The following RASA1 variants were observed in gnomAD, a reference collection of about 807,000 sequenced individuals.
The protein encoded by RASA1 is ras GTPase-activating protein 1.
A neutral mutation model predicts 132.2 loss-of-function variants in RASA1; 25 were observed. The ratio of observed to expected loss-of-function variants is 0.19; its 90% CI spans 0.14 to 0.26. RASA1 has a LOEUF of 0.26. Ranked by LOEUF, RASA1 falls within the 10% of genes least tolerant of loss-of-function variation. The pLI is 1.00. For missense variants in RASA1, 964 were observed against 1,299.2 expected (o/e 0.74, Z 3.97); for synonymous variants, 477 against 449.9 (o/e 1.06, Z -0.76).
intron 10 of RASA1, 25 bp downstream of exon 10, chr5:87,362,696 C>A (rs368827026): frequency 6.3e-7 from 1 of 1,596,016 alleles, no homozygotes; most frequent in Non-Finnish European, 8.6e-7. Flanking sequence ...TTATCATTAA[C>A]CCATTTGATA....
In RASA1 at chr5:87,274,398, C is replaced by CT. The variant is rs575721813; in HGVS notation, c.539+5411dup. On this transcript the variant is annotated intron_variant, in intron 1 of 24. Coordinates refer to ENST00000274376, the MANE Select transcript of RASA1 (RefSeq NM_002890.3). ...TGTTAGAACATGTAGCATTCATTAA[C>CT]TTTGTCACTGATTGCATTATACATA... 5.7e-4 allele frequency among the ~76,000 whole-genome samples: 87 copies of CT among 152,250 alleles called. 1 individual carries two copies. The highest frequency in any genetic ancestry group is 2.0e-3 in the African/African-American group (84 of 41,546).
intron 20 of RASA1, among the ~76,000 whole-genome samples, chr5:87,382,308 G>T (rs2112505539): frequency 6.6e-6 from 1 of 152,252 alleles, no homozygotes; most frequent in South Asian, 2.1e-4. Context: ...CTTTCTAAGA[G>T]TCCAAAAATT....
intron 24 of RASA1, among the ~76,000 whole-genome samples, chr5:87,390,214 T>C (rs1470934680): frequency 1.3e-5 from 2 of 152,222 alleles, no homozygotes; most frequent in Non-Finnish European, 2.9e-5. Context: ...ACACTTTGAA[T>C]GTCCTCAGCT....
intron 1 of RASA1, among the ~76,000 whole-genome samples, chr5:87,286,169 T>G (rs1754553608): frequency 1.3e-5 from 2 of 152,076 alleles, no homozygotes; most frequent in Admixed American, 1.3e-4. Flanking sequence ...CCCTGGCTAA[T>G]TTTTGTATTT....
rs775854094 is a variant in RASA1, at chr5:87,374,860, A to C, written c.1955A>C (p.Asn652Thr). 4 of 1,609,846 alleles carry C rather than the reference A, an allele frequency of 2.5e-6. No individual in the cohort carries two copies. Among genetic ancestry groups the C allele is most frequent in the Non-Finnish European group, 3.4e-6 (4 of 1,177,840 alleles). ...FVFDDLPPDI[N>T]RFEITLSNKT... ...TTTAGTGATCTTCCTCCTGACATCA[A>C]TAGATTTGAAATAACTCTTAGTAAT... The change falls in exon 15 of 25, where the codon AAT becomes ACT. Residue 652 changes from asparagine (N) to threonine (T), a missense_variant. This residue lies in a region of RASA1 where 346 missense variants were observed against 520.1 expected (regional missense o/e 0.67). Transcript: ENST00000274376.
rs1232583853 is a variant in RASA1 at position 87,338,536 on chromosome 5, A to ATTTTTT, written c.1017+454_1017+459dup. On this transcript the variant is annotated intron_variant, in intron 5 of 24. Transcript: ENST00000274376. ...ATATATATATATATATATATATAAAATTTTTTTTTTTTTTAAGTAGAAATG... is the reference window on the plus strand; with the variant it reads ...ATATATATATATATATATATATAAAATTTTTTTTTTTTTTTTTTTTAAGTAGAAATG... Among the ~76,000 whole-genome samples the ATTTTTT allele has an allele frequency of 8.7e-4, 74 of 85,220 alleles. 1 individual carries two copies. The highest frequency in any genetic ancestry group is 2.6e-3 in the African/African-American group (58 of 22,626). The allele number at this position is 85,220 out of a possible 152,430, so 55.9% of individuals were successfully genotyped here.
At chr5:87,330,948 C>T (rs1023703683) in intron 1 of RASA1, 5 of 1,429,364 alleles carry the variant, frequency 3.5e-6, no homozygotes, top group Non-Finnish European at 4.6e-6. Flanking sequence ...GTTCCATGTG[C>T]CTTGTGAAGT....
At chr5:87,287,393 T>C (rs563315613) in intron 1 of RASA1, among the ~76,000 whole-genome samples, 44 of 144,544 alleles carry the variant, frequency 3.0e-4, no homozygotes, top group South Asian at 6.6e-4. Context: ...ACCATATATA[T>C]ACCATATATA....
At chr5:87,336,332 C>T (rs1281505497) in intron 4 of RASA1, among the ~76,000 whole-genome samples, 2 of 151,078 alleles carry the variant, frequency 1.3e-5, no homozygotes, top group Non-Finnish European at 3.0e-5. Context: ...TTTAGGATGT[C>T]ATTTTTAAGA....
chr5:87,286,368 G>T (rs1354614745), intron 1 of RASA1, among the ~76,000 whole-genome samples: 2 of 149,364 alleles, frequency 1.3e-5, no homozygotes, highest in African/African-American at 2.5e-5. Context: ...CCCTTTTACT[G>T]ATCTCTTCCT....
rs1302612874 is a variant in RASA1, at chr5:87,267,955, C to CT, written c.-497_-496insT. 3.3e-5 allele frequency: 13 copies of CT among 393,154 alleles called. No individual in the cohort carries two copies. The highest frequency in any genetic ancestry group is 4.5e-5 in the Non-Finnish European group (10 of 224,692). The allele number at this position is 393,154 out of a possible 1,614,324, so 24.4% of individuals were successfully genotyped here. A position where few individuals can be genotyped will look rare whatever the true frequency, so the allele number is the denominator to read the frequency against. On this transcript the variant is annotated 5_prime_UTR_variant, in exon 1 of 25. Coordinates refer to ENST00000274376, the MANE Select transcript of RASA1 (RefSeq NM_002890.3). Reference sequence around the variant, plus strand: ...TACCCCGCCCCCCTTTCTCTTGCCCCCCCACCCCTCTCATCTGCCTGGTGG... The same window carrying CT: ...TACCCCGCCCCCCTTTCTCTTGCCCCTCCCACCCCTCTCATCTGCCTGGTGG...
intron 6 of RASA1, 51 bp from the exon 7 acceptor site, chr5:87,346,621 A>T (rs756368710): frequency 1.6e-6 from 2 of 1,215,380 alleles, no homozygotes; most frequent in African/African-American, 1.5e-5. Context: ...TGATCATATG[A>T]TAACAGCAAA....
chr5:87,362,865 T>C (rs1278652915), intron 10 of RASA1, among the ~76,000 whole-genome samples, 194 bp downstream of exon 10: 1 of 151,834 alleles, frequency 6.6e-6, no homozygotes, highest in Non-Finnish European at 1.5e-5. Flanking sequence ...TCAACCAGAA[T>C]GTTTCTTCTA....
At chr5:87,286,762 G>C (rs564713553) in intron 1 of RASA1, among the ~76,000 whole-genome samples, 1 of 151,048 alleles carries the variant, frequency 6.6e-6, no homozygotes, top group Non-Finnish European at 1.5e-5. Flanking sequence ...CTCACTAAAA[G>C]AAATAGATTT....
chr5:87,354,614 A>G (rs1759517708), intron 9 of RASA1, among the ~76,000 whole-genome samples: 1 of 152,174 alleles, frequency 6.6e-6, no homozygotes, highest in African/African-American at 2.4e-5. Flanking sequence ...GGGCCAATTA[A>G]TAACCCTACA....
intron 2 of RASA1, among the ~76,000 whole-genome samples, 194 bp from the exon 3 acceptor site, chr5:87,332,313 G>GTA: frequency 6.6e-6 from 1 of 152,188 alleles, no homozygotes; most frequent in Non-Finnish European, 1.5e-5. Context: ...TCAAATGCAT[G>GTA]TATATATATG....
At chr5:87,307,005 G>A (rs1755647463) in intron 1 of RASA1, among the ~76,000 whole-genome samples, 1 of 152,156 alleles carries the variant, frequency 6.6e-6, no homozygotes, top group East Asian at 1.9e-4. Flanking sequence ...GACTATAGGT[G>A]TGCGCCACTG....
chr5:87,345,164 G>C (rs868753576), intron 6 of RASA1, among the ~76,000 whole-genome samples: 1 of 152,132 alleles, frequency 6.6e-6, no homozygotes, highest in Non-Finnish European at 1.5e-5. Flanking sequence ...AACTTTATAA[G>C]AGCAGGGACT....
chr5:87,333,272 A>T lies in RASA1; in HGVS notation c.834A>T (p.Val278=). ...TTTTTTTTTATGGTTTCTAGCCAGT[A>T]GAAGATAGAAGGCGTGTACGAGCTA... The part of the protein sequence containing the change: ...LLYPVAPPEP[V]EDRRRVRAIL... The change falls in exon 4 of 25, where the codon GTA becomes GTT. Residue 278 remains valine (V), a synonymous_variant. Coordinates refer to ENST00000274376, the MANE Select transcript of RASA1 (RefSeq NM_002890.3). The T allele has an allele frequency of 5.0e-6, 8 of 1,612,888 alleles. No individual in the cohort carries two copies. Among genetic ancestry groups the T allele is most frequent in the Non-Finnish European group, 6.8e-6 (8 of 1,179,442 alleles).
Sources: gnomAD v4.1 joint callset for allele counts (sites outside exome capture counted in the v4.1 genomes callset) on GRCh38, gnomAD v4.1.1 for gene constraint, gnomAD v4.1.1 regional missense constraint, MANE v1.5 for transcripts, NCBI Gene and HGNC (gene_info 2026-07-23, HGNC 2026-07-21) for gene names.